The following TENM2 variants were observed in gnomAD, a reference collection of about 807,000 sequenced individuals.
TENM2 encodes teneurin-2.
A neutral mutation model predicts 245.2 loss-of-function variants in TENM2; 52 were observed. The ratio of observed to expected loss-of-function variants is 0.21; its 90% CI spans 0.17 to 0.27. TENM2 has a LOEUF of 0.27. TENM2 is among the 10% of genes least tolerant of loss of function. The pLI, the probability that TENM2 is intolerant of heterozygous loss-of-function variation, is 1.00. For synonymous variants in TENM2, 1,363 were observed against 1,438.9 expected, an observed-to-expected ratio of 0.95 and a Z score of 1.19; for missense variants, 3,046 against 3,666.8, an observed-to-expected ratio of 0.83 and a Z score of 4.37.
intron 2 of TENM2, among the ~76,000 whole-genome samples, chr5:167,633,329 G>A (rs890127981): frequency 6.6e-6 from 1 of 152,032 alleles, no homozygotes; most frequent in South Asian, 2.1e-4. Context: ...GTCAACACTT[G>A]CAAGTTCAAA....
the TENM2 span, among the ~76,000 whole-genome samples, chr5:167,220,828 CA>C: frequency 7.0e-6 from 1 of 142,540 alleles, no homozygotes; most frequent in Non-Finnish European, 1.5e-5. Context: ...GTATCATACA[CA>C]TTTTTTTTTT....
chr5:168,190,659 C>G (rs533212786), intron 14 of TENM2, 112 bp downstream of exon 16: 11 of 890,916 alleles, frequency 1.2e-5, no homozygotes, highest in East Asian at 5.3e-5. Flanking sequence ...AATCTGCCCC[C>G]CTAGAGGCAG....
At chr5:167,923,408 C>A (rs566863640) in intron 3 of TENM2, among the ~76,000 whole-genome samples, 1 of 152,044 alleles carries the variant, frequency 6.6e-6, no homozygotes, top group East Asian at 1.9e-4. Flanking sequence ...GGTCTACCTG[C>A]CACCTCTGTG....
chr5:168,125,188 C>T (rs1002959854), intron 11 of TENM2, 138 bp downstream of exon 13: 4 of 757,090 alleles, frequency 5.3e-6, no homozygotes, highest in Non-Finnish European at 8.5e-6. Context: ...GTGTCTTTCT[C>T]ATTCTCTTCT....
At chr5:167,507,968 A>C (rs1769667416) in intron 2 of TENM2, among the ~76,000 whole-genome samples, 1 of 152,260 alleles carries the variant, frequency 6.6e-6, no homozygotes, top group African/African-American at 2.4e-5. Flanking sequence ...ACAAATGATT[A>C]GCGGAATGAG....
At chr5:167,503,346 TAGAC>T (rs796892259) in intron 2 of TENM2, among the ~76,000 whole-genome samples, 9 of 152,158 alleles carry the variant, frequency 5.9e-5, no homozygotes, top group East Asian at 1.9e-4. Flanking sequence ...ATGCTTAACT[TAGAC>T]AGTGCATTTG....
At chr5:168,049,540 A>G (rs1007695276) in intron 6 of TENM2, among the ~76,000 whole-genome samples, 3 of 152,130 alleles carry the variant, frequency 2.0e-5, no homozygotes, top group Non-Finnish European at 2.9e-5. Flanking sequence ...CACTCCTCCC[A>G]TTTGTGATAA....
chr5:167,586,854 A>G (rs971946369), intron 2 of TENM2, among the ~76,000 whole-genome samples: 1 of 122,890 alleles, frequency 8.1e-6, no homozygotes, highest in Non-Finnish European at 1.8e-5. Context: ...ATTCACAAAA[A>G]TATCTAAGTT....
At chr5:168,169,290 C>A (rs551895213) in intron 13 of TENM2, among the ~76,000 whole-genome samples, 2 of 152,346 alleles carry the variant, frequency 1.3e-5, no homozygotes, top group African/African-American at 4.8e-5. Flanking sequence ...GCAGTTCCCT[C>A]TCTAAATGAA....
At chr5:167,675,615 G>A (rs1756263890) in intron 2 of TENM2, among the ~76,000 whole-genome samples, 1 of 152,010 alleles carries the variant, frequency 6.6e-6, no homozygotes, top group African/African-American at 2.4e-5. Context: ...CTTTATATGG[G>A]AGGTAGTCTT....
chr5:167,087,686 G>A, the TENM2 span, among the ~76,000 whole-genome samples: 2 of 152,122 alleles, frequency 1.3e-5, no homozygotes, highest in Non-Finnish European at 2.9e-5. Flanking sequence ...ATATAAAGTA[G>A]TAGGAGTTCA....
At chr5:167,677,684 A>T (rs1313043420) in intron 2 of TENM2, among the ~76,000 whole-genome samples, 2 of 150,206 alleles carry the variant, frequency 1.3e-5, no homozygotes, top group Admixed American at 6.7e-5. Context: ...GTTCCAAAAT[A>T]TGGTTTATAT....
At chr5:167,481,308 T>C (rs1271812074) in intron 2 of TENM2, among the ~76,000 whole-genome samples, 1 of 152,218 alleles carries the variant, frequency 6.6e-6, no homozygotes, top group Non-Finnish European at 1.5e-5. Flanking sequence ...GAAAATAGAT[T>C]TACCTCTTTT....
chr5:167,772,278 T>C (rs1763451143), intron 2 of TENM2, among the ~76,000 whole-genome samples: 1 of 152,226 alleles, frequency 6.6e-6, no homozygotes, highest in Non-Finnish European at 1.5e-5. Context: ...AAAAATATTA[T>C]AATAATTGCT....
chr5:167,979,690 C>A lies in TENM2; in HGVS notation c.948-13254C>A, dbSNP rs548609638. On this transcript the variant is annotated intron_variant, in intron 4 of 28. Coordinates refer to ENST00000518659, the Ensembl canonical transcript of TENM2. Reference sequence around the variant, plus strand: ...AAATAATCATGATTATAGCTGATATCCCTCAAGAATGACAGAAAACTTGAG... The same window carrying A: ...AAATAATCATGATTATAGCTGATATACCTCAAGAATGACAGAAAACTTGAG... Among the ~76,000 whole-genome samples the A allele has an allele frequency of 9.4e-4, 143 of 152,170 alleles. 1 individual carries two copies. The highest frequency in any genetic ancestry group is 1.7e-3 in the Non-Finnish European group (118 of 68,016).
Position 168,244,644 on chromosome 5 carries a change from C to T in TENM2, c.5745C>T (p.Ile1915=), listed in dbSNP as rs988848622. ...GGGCCATGAGCGAGAGGACAGACAT[C>T]GACAAGCAAGGCCGCATCGTGTCCC... Residue 1915 remains isoleucine, a synonymous_variant, in exon 26 of 29, where the codon ATC becomes ATT. Transcript: ENST00000518659. The surrounding 1 kb of genome is among the most constrained non-coding windows in gnomAD (Gnocchi z 4.9). 9.6e-6 allele frequency: 15 copies of T among 1,563,722 alleles called. No homozygotes were observed. The highest frequency in any genetic ancestry group is 4.1e-5 in the African/African-American group (3 of 73,628).
intron 6 of TENM2, among the ~76,000 whole-genome samples, chr5:168,050,641 T>C (rs1463899785): frequency 2.0e-5 from 3 of 152,200 alleles, no homozygotes; most frequent in African/African-American, 4.8e-5. Context: ...CCATCTAAGA[T>C]GGCACATCGA....
chr5:167,770,499 GA>G (rs1420476995), intron 2 of TENM2, among the ~76,000 whole-genome samples: 1 of 152,126 alleles, frequency 6.6e-6, no homozygotes, highest in African/African-American at 2.4e-5. Flanking sequence ...AGGTACTACT[GA>G]TATTCGTTTT....
chr5:167,080,604 C>T, the TENM2 span, among the ~76,000 whole-genome samples: 8 of 151,698 alleles, frequency 5.3e-5, no homozygotes, highest in South Asian at 4.2e-4. Context: ...AGCCTTTCCT[C>T]GGGATGCTAA....
Sources: gnomAD v4.1 joint callset for allele counts (sites outside exome capture counted in the v4.1 genomes callset) on GRCh38, gnomAD v4.1.1 for gene constraint, Gnocchi (gnomAD v3.1) non-coding constraint, MANE v1.5 for transcripts, NCBI Gene and HGNC (gene_info 2026-07-23, HGNC 2026-07-21) for gene names.